The following CAP2 variants were observed in gnomAD, a reference collection of about 807,000 sequenced individuals.
The protein encoded by CAP2 is adenylyl cyclase-associated protein 2.
Under a neutral mutation model 57.7 loss-of-function variants are expected in CAP2, and 24 were observed. The ratio of observed to expected loss-of-function variants is 0.42; its 90% CI spans 0.30 to 0.58. The LOEUF (loss-of-function observed/expected upper bound fraction) is 0.58. Ranked by LOEUF, CAP2 falls within the 20% of genes least tolerant of loss-of-function variation. CAP2 has a pLI of 0.22. For synonymous variants in CAP2, 194 were observed against 207.2 expected (o/e 0.94, Z 0.55); for missense variants, 501 against 590.3 (o/e 0.85, Z 1.57).
At chr6:17,456,294 A>G (rs1305803880) in intron 3 of CAP2, among the ~76,000 whole-genome samples, 1 of 152,238 alleles carries the variant, frequency 6.6e-6, no homozygotes, top group African/African-American at 2.4e-5. Flanking sequence ...GTCAACTCAG[A>G]TATCTTTCTT....
chr6:17,420,379 T>C (rs1299163269), intron 1 of CAP2, among the ~76,000 whole-genome samples: 2 of 152,180 alleles, frequency 1.3e-5, no homozygotes, highest in African/African-American at 4.8e-5. Context: ...TAATTATAAT[T>C]TAAAATAATT....
At chr6:17,424,002 T>C (rs1387413773) in intron 2 of CAP2, among the ~76,000 whole-genome samples, 6 of 152,218 alleles carry the variant, frequency 3.9e-5, no homozygotes, top group Admixed American at 3.3e-4. Context: ...ATAAATTCTA[T>C]TTTTAACAAA....
At chr6:17,394,711 T>A (rs529829601) in intron 1 of CAP2, among the ~76,000 whole-genome samples, 18 of 152,352 alleles carry the variant, frequency 1.2e-4, no homozygotes, top group African/African-American at 4.3e-4. Context: ...GAAGCTATGT[T>A]CCTTAGAATT....
At chr6:17,506,089 G>A (rs1051473202) in intron 4 of CAP2, among the ~76,000 whole-genome samples, 10 of 152,086 alleles carry the variant, frequency 6.6e-5, no homozygotes, top group African/African-American at 2.2e-4. Context: ...TGTAGAAGTG[G>A]GGTCTTGCTG....
rs187143138 is a variant in CAP2, at chr6:17,457,364, A to G, written c.223-5632A>G. Among the ~76,000 whole-genome samples the G allele has an allele frequency of 5.3e-3, 800 of 152,306 alleles. 11 individuals carry two copies. Among genetic ancestry groups the G allele is most frequent in the Middle Eastern group, 0.027 (8 of 294 alleles). On this transcript the variant is annotated intron_variant, in intron 3 of 12. Coordinates refer to ENST00000229922, the MANE Select transcript of CAP2 (RefSeq NM_006366.3). ...TGTTTTGAACTGCCTGAGTGAGCCA[A>G]ATTCTCCCTTTGAAGTTACCAGACT... is the stretch of plus-strand genomic sequence containing the variant.
intron 4 of CAP2, among the ~76,000 whole-genome samples, chr6:17,504,508 A>G (rs1286737451): frequency 6.6e-6 from 1 of 152,232 alleles, no homozygotes. Context: ...CTCAGCACCC[A>G]GTATCGAGAA....
At chr6:17,430,120 C>T (rs760135863) in intron 3 of CAP2, among the ~76,000 whole-genome samples, 2 of 152,198 alleles carry the variant, frequency 1.3e-5, no homozygotes, top group Non-Finnish European at 1.5e-5. Flanking sequence ...TATGATTTAA[C>T]GTCTGTCTCG....
intron 3 of CAP2, among the ~76,000 whole-genome samples, chr6:17,454,655 C>T (rs867292542): frequency 6.6e-6 from 1 of 152,234 alleles, no homozygotes; most frequent in Admixed American, 6.5e-5. Flanking sequence ...ACTCTGCTCA[C>T]TTGTCTTCTT....
chr6:17,478,026 A>G (rs1268955959), intron 4 of CAP2, among the ~76,000 whole-genome samples: 1 of 148,092 alleles, frequency 6.8e-6, no homozygotes, highest in Non-Finnish European at 1.5e-5. Flanking sequence ...TATTAATTAT[A>G]TATCATTAAT....
At chr6:17,458,554 TTAATACGAAG>T (rs1399330067) in intron 3 of CAP2, among the ~76,000 whole-genome samples, 2 of 152,210 alleles carry the variant, frequency 1.3e-5, no homozygotes, top group Non-Finnish European at 2.9e-5. Context: ...TGCCAAAACG[TTAATACGAAG>T]TGGTTTGACA....
chr6:17,531,619 C>G, intron 7 of CAP2: 1 of 1,306,408 alleles, frequency 7.7e-7, no homozygotes, highest in Non-Finnish European at 1.1e-6. Flanking sequence ...CCTTCTTCTT[C>G]TCTTCTACAC....
At chr6:17,424,290 C>T (rs1759522753) in intron 2 of CAP2, among the ~76,000 whole-genome samples, 1 of 152,080 alleles carries the variant, frequency 6.6e-6, no homozygotes, top group Non-Finnish European at 1.5e-5. Context: ...GTCCCAGCTA[C>T]TCGGGAGGCT....
intron 12 of CAP2, among the ~76,000 whole-genome samples, chr6:17,552,659 A>G (rs1763199393): frequency 6.6e-6 from 1 of 152,120 alleles, no homozygotes; most frequent in African/African-American, 2.4e-5. Context: ...AAAACAGGGA[A>G]AATTCCCTCT....
intron 1 of CAP2, among the ~76,000 whole-genome samples, chr6:17,404,176 G>T (rs1418088563): frequency 6.6e-6 from 1 of 152,190 alleles, no homozygotes; most frequent in African/African-American, 2.4e-5. Flanking sequence ...AGCCATTCAA[G>T]AATTAAAGGT....
intron 1 of CAP2, among the ~76,000 whole-genome samples, chr6:17,409,598 C>G (rs796067656): frequency 1.3e-5 from 2 of 152,104 alleles, no homozygotes; most frequent in Admixed American, 6.5e-5. Context: ...TCCCAAGAAT[C>G]CTGAGGCATG....
chr6:17,396,992 CAT>C (rs1407161716), intron 1 of CAP2, among the ~76,000 whole-genome samples: 2 of 152,150 alleles, frequency 1.3e-5, no homozygotes, highest in African/African-American at 4.8e-5. Flanking sequence ...AGTTTTATCA[CAT>C]GTGTATGTAT....
chr6:17,496,032 G>GGGGT lies in CAP2; in HGVS notation c.301-11134_301-11133insTGGG, dbSNP rs1761660418. Among the ~76,000 whole-genome samples, 9 of 132,664 alleles carry GGGGT rather than the reference G, an allele frequency of 6.8e-5. 1 individual carries two copies. The highest frequency in any genetic ancestry group is 8.0e-5 in the Non-Finnish European group (5 of 62,152). The allele number at this position is 132,664 out of a possible 152,430, so 87.0% of individuals were successfully genotyped here. A position where few individuals can be genotyped will look rare whatever the true frequency, so the allele number is the denominator to read the frequency against. On this transcript the variant is annotated intron_variant, in intron 4 of 12. Coordinates refer to ENST00000229922, the MANE Select transcript of CAP2 (RefSeq NM_006366.3). Reference sequence around the variant, plus strand: ...GCTGTGCATGCGTGTGTGGGTGGGGGGGGGGGGTAAGTCAGGGAAAACAGG... The same window carrying GGGGT: ...GCTGTGCATGCGTGTGTGGGTGGGGGGGGTGGGGGGGTAAGTCAGGGAAAACAGG...
At chr6:17,531,474 G>C (rs1315256561) in intron 7 of CAP2, 5 of 1,500,222 alleles carry the variant, frequency 3.3e-6, no homozygotes, top group African/African-American at 1.4e-5. Flanking sequence ...TTGTGATAGT[G>C]CTTCGCTTTT....
chr6:17,445,565 G>A (rs1314709253), intron 3 of CAP2, among the ~76,000 whole-genome samples: 1 of 152,174 alleles, frequency 6.6e-6, no homozygotes, highest in Non-Finnish European at 1.5e-5. Flanking sequence ...GGTAAGTTGG[G>A]AAATTAAACT....
Sources: allele counts gnomAD v4.1 joint callset (sites outside exome capture counted in the v4.1 genomes callset), GRCh38; gene constraint gnomAD v4.1.1; transcripts MANE v1.5; gene names NCBI Gene and HGNC (gene_info 2026-07-23, HGNC 2026-07-21).